PSD3: variants seen among roughly 807,000 people sequenced by gnomAD.
PSD3 encodes PH and SEC7 domain-containing protein 3.
In PSD3, 49 loss-of-function variants were observed where a neutral mutation model predicts 105.5. The observed-to-expected ratio is 0.46, with a 90% CI of 0.37 to 0.59. The LOEUF is 0.59. Ranked by LOEUF, PSD3 falls within the 20% of genes least tolerant of loss-of-function variation. PSD3 has a pLI of 0.00. For missense variants in PSD3, 1,561 were observed against 1,263.8 expected (o/e 1.24, Z -3.57); for synonymous variants, 557 against 457.8 (o/e 1.22, Z -2.77).
At chr8:19,063,477 A>G (rs1033587190) in intron 1 of PSD3, among the ~76,000 whole-genome samples, 1 of 152,176 alleles carries the variant, frequency 6.6e-6, no homozygotes, top group Admixed American at 6.5e-5. Flanking sequence ...CTTAGCGCCT[A>G]TCACGGACTG....
intron 15 of PSD3, among the ~76,000 whole-genome samples, chr8:18,555,700 T>C (rs376277411): frequency 6.6e-6 from 1 of 152,204 alleles, no homozygotes; most frequent in African/African-American, 2.4e-5. Context: ...ACTCACTGTA[T>C]AGATGGATGT....
In PSD3 at chr8:18,865,758, C is replaced by G. The variant is rs570586961; in HGVS notation, c.1634+1916G>C. ...TAGAACGTGGTCCTTTACCACTAGA[C>G]AAGATCTCCTGGTTTGACAATGCAG... On this transcript the variant is annotated intron_variant, in intron 4 of 15. Transcript: ENST00000327040. 3.3e-4 allele frequency among the ~76,000 whole-genome samples: 51 copies of G among 152,288 alleles called. 1 individual carries two copies. The highest frequency in any genetic ancestry group is 3.9e-4 in the East Asian group (2 of 5,160).
At position 18,533,574 on chromosome 8, in the gene PSD3, A is replaced by C. The variant is rs887675528; in HGVS notation, c.*2169T>G. The C allele has an allele frequency of 6.6e-6, 1 of 152,236 alleles. No homozygotes were observed. Among genetic ancestry groups the C allele is most frequent in the Non-Finnish European group, 1.5e-5 (1 of 68,042 alleles). 9.4% of individuals were successfully genotyped at this position (152,236 alleles called of 1,614,324 possible). A position where few individuals can be genotyped will look rare whatever the true frequency, so the allele number is the denominator to read the frequency against. The stretch of plus-strand genomic sequence containing the variant: ...AATGTATATTAAATAAGTAAAATAC[A>C]TACAGACATTCTATATACATAGATA... On this transcript the variant is annotated 3_prime_UTR_variant, in exon 16 of 16. Transcript: ENST00000327040.
intron 11 of PSD3, among the ~76,000 whole-genome samples, chr8:18,609,563 T>G (rs1037743968): frequency 1.3e-5 from 2 of 152,182 alleles, no homozygotes; most frequent in African/African-American, 4.8e-5. Flanking sequence ...CTAAACAACT[T>G]AAAGTATCTT....
At chr8:18,919,816 C>T (rs1387149320) in intron 2 of PSD3, among the ~76,000 whole-genome samples, 1 of 125,216 alleles carries the variant, frequency 8.0e-6, no homozygotes, top group Non-Finnish European at 1.6e-5. Flanking sequence ...CACATGGACA[C>T]AGGAAGGGGA....
chr8:18,744,504 A>G (rs1804826105), intron 9 of PSD3, among the ~76,000 whole-genome samples: 1 of 152,190 alleles, frequency 6.6e-6, no homozygotes, highest in Non-Finnish European at 1.5e-5. Context: ...GATTTGTATT[A>G]TTCTCAATTT....
chr8:18,581,287 A>G (rs758402696), intron 12 of PSD3, among the ~76,000 whole-genome samples: 3 of 152,190 alleles, frequency 2.0e-5, no homozygotes, highest in Non-Finnish European at 2.9e-5. Flanking sequence ...ATATTAAAAT[A>G]ATATTTGTCT....
At chr8:19,026,378 GTTTT>G (rs965107798) in intron 1 of PSD3, among the ~76,000 whole-genome samples, 4 of 151,314 alleles carry the variant, frequency 2.6e-5, no homozygotes, top group Non-Finnish European at 4.4e-5. Context: ...ACTCTCAGAG[GTTTT>G]TTTTTGTAAG....
In PSD3 at chr8:18,557,028, C is replaced by T. The variant is rs552797639; in HGVS notation, c.2785-676G>A. Among the ~76,000 whole-genome samples, 5 of 152,286 alleles carry T rather than the reference C, an allele frequency of 3.3e-5. No homozygotes were observed. The East Asian group carries it at 7.7e-4, about 23-fold the overall frequency. On this transcript the variant is annotated intron_variant, in intron 14 of 15. Transcript: ENST00000327040. ...TTATTATAGGTACCGTGTACCAATG[C>T]AATATGGTTGATCCTACATCAAAGG...
chr8:18,683,516 A>G (rs1036677061), intron 9 of PSD3, among the ~76,000 whole-genome samples: 1 of 152,224 alleles, frequency 6.6e-6, no homozygotes, highest in African/African-American at 2.4e-5. Flanking sequence ...TCCCACAGTC[A>G]TCTCATTTTG....
chr8:19,070,929 G>T lies in PSD3; in HGVS notation c.324+13277C>A, dbSNP rs1329881641. On this transcript the variant is annotated intron_variant, in intron 1 of 1. Coordinates refer to the PSD3 transcript ENST00000521475. ...TAACTCTTTTCTTTAGTTAGGCTAG[G>T]CAGGCCTGGCTTAGTGTTTTATTTT... Among the ~76,000 whole-genome samples, 3 of 152,122 alleles carry T rather than the reference G, an allele frequency of 2.0e-5. No homozygotes were observed. The East Asian group carries it at 5.8e-4, about 29-fold the overall frequency.
chr8:18,814,204 C>T (rs1285383453), intron 4 of PSD3, among the ~76,000 whole-genome samples: 3 of 152,194 alleles, frequency 2.0e-5, no homozygotes, highest in African/African-American at 7.2e-5. Context: ...TCAGTCTTCA[C>T]CAATAAAAAA....
chr8:18,545,843 C>A (rs913263794), intron 15 of PSD3, among the ~76,000 whole-genome samples: 8 of 152,126 alleles, frequency 5.3e-5, no homozygotes, highest in African/African-American at 1.9e-4. Context: ...AGGGCTAATG[C>A]CAGTCTTAAT....
chr8:18,621,875 C>T (rs1236140916), intron 11 of PSD3, among the ~76,000 whole-genome samples: 3 of 152,224 alleles, frequency 2.0e-5, no homozygotes, highest in African/African-American at 7.2e-5. Context: ...TATAGTGTCG[C>T]TGTTCCCAAT....
Position 18,627,453 on chromosome 8 carries a change from G to C in PSD3, c.2410+5160C>G, listed in dbSNP as rs189270609. ...TTCAAGGCATGGGAAAAATAAAGTA[G>C]TGGGATGGACAATTTCAAGGGCTCA... On this transcript the variant is annotated intron_variant, in intron 11 of 15. Transcript: ENST00000327040. Among the ~76,000 whole-genome samples, 17 of 152,138 alleles carry C rather than the reference G, an allele frequency of 1.1e-4. No individual in the cohort carries two copies. In the East Asian group the frequency reaches 3.1e-3, roughly 28 times the overall value.
intron 9 of PSD3, among the ~76,000 whole-genome samples, chr8:18,671,845 A>C: frequency 6.6e-6 from 1 of 152,002 alleles, no homozygotes; most frequent in Non-Finnish European, 1.5e-5. Context: ...GTTAGCCAGA[A>C]TGGTCTCGAT....
At chr8:18,573,813 G>C (rs1227293924) in intron 13 of PSD3, among the ~76,000 whole-genome samples, 1 of 152,154 alleles carries the variant, frequency 6.6e-6, no homozygotes, top group Admixed American at 6.5e-5. Flanking sequence ...ACTACAAAAT[G>C]CGCACGGGGA....
chr8:18,699,757 G>A (rs1458706343), intron 9 of PSD3, among the ~76,000 whole-genome samples: 3 of 151,964 alleles, frequency 2.0e-5, no homozygotes. Context: ...ATGGTGGGTG[G>A]TCACACTGGG....
At chr8:18,952,972 G>A (rs1162659258) in intron 1 of PSD3, among the ~76,000 whole-genome samples, 2 of 152,150 alleles carry the variant, frequency 1.3e-5, no homozygotes, top group African/African-American at 4.8e-5. Context: ...TATCAACTGT[G>A]AGTAAACATC....
Sources: allele counts gnomAD v4.1 joint callset (sites outside exome capture counted in the v4.1 genomes callset), GRCh38; gene constraint gnomAD v4.1.1; transcripts MANE v1.5; gene names NCBI Gene and HGNC (gene_info 2026-07-23, HGNC 2026-07-21).